LRRK1: variants seen among roughly 807,000 people sequenced by gnomAD.
LRRK1 encodes the protein leucine-rich repeat serine/threonine-protein kinase 1.
In LRRK1, 113 loss-of-function variants were observed where a neutral mutation model predicts 209.1. That is an observed-to-expected ratio of 0.54 (90% CI 0.46 to 0.63). The LOEUF is 0.63. Among genes scored for constraint, LRRK1 ranks in the 30% least tolerant of loss-of-function variants. The probability of loss-of-function intolerance (pLI) is 0.00; values close to 1 mark genes in which losing one functional copy is unlikely to be tolerated. For synonymous variants in LRRK1, 1,144 were observed against 1,099.7 expected, an observed-to-expected ratio of 1.04 and a Z score of -0.80; for missense variants, 2,284 against 2,632.2, an observed-to-expected ratio of 0.87 and a Z score of 2.89.
intron 2 of LRRK1, among the ~76,000 whole-genome samples, chr15:100,929,101 T>A (rs1187201012): frequency 6.6e-6 from 1 of 152,212 alleles, no homozygotes; most frequent in African/African-American, 2.4e-5. Context: ...CTTCTGAGTA[T>A]GTCTGACACC....
In LRRK1 at chr15:100,933,679, G is replaced by A. The variant is rs138354343; in HGVS notation, c.97+8950G>A. Among the ~76,000 whole-genome samples, 101 of 151,778 alleles carry A rather than the reference G, an allele frequency of 6.7e-4. 3 individuals are homozygous for A. The East Asian group carries it at 0.014, about 21-fold the overall frequency. On this transcript the variant is annotated intron_variant, in intron 2 of 33. Coordinates refer to ENST00000388948, the MANE Select transcript of LRRK1 (RefSeq NM_024652.6). ...TTTACTAAAAATACAAAAATTAGCC[G>A]GGTATGGTGGCACACACCTGTAGTC...
chr15:101,065,631 G>A lies in LRRK1; in HGVS notation c.5194G>A (p.Ala1732Thr). The A allele has an allele frequency of 6.2e-7, 1 of 1,614,142 alleles. No individual in the cohort carries two copies. Among genetic ancestry groups the A allele is most frequent in the Non-Finnish European group, 8.5e-7 (1 of 1,180,026 alleles). ...CTGCAGGCGGCTGGAGCCCTACATG[G>A]CCCCCTCCATGGTTACGTCAGTCGT... ...EICRRLEPYM[A>T]PSMVTSVVCS... Residue 1732 changes from alanine (A) to threonine (T), a missense_variant, in exon 32 of 34, where the codon GCC becomes ACC. Around this residue, in one of 6 missense-constraint regions of LRRK1, gnomAD observed 643 missense variants for 695.9 expected, o/e 0.92. Transcript: ENST00000388948.
At chr15:101,001,962 A>AT (rs1336877437) in intron 6 of LRRK1, among the ~76,000 whole-genome samples, 1 of 151,970 alleles carries the variant, frequency 6.6e-6, no homozygotes, top group African/African-American at 2.4e-5. Flanking sequence ...ACCCCACAGA[A>AT]TCGTACAGAG....
At chr15:101,050,082 G>A (rs1163601321) in intron 23 of LRRK1, among the ~76,000 whole-genome samples, 1 of 152,204 alleles carries the variant, frequency 6.6e-6, no homozygotes, top group Non-Finnish European at 1.5e-5. Flanking sequence ...GTGGTCCACG[G>A]AGATGCTCAG....
chr15:101,037,980 C>T (rs1387888125), intron 20 of LRRK1, among the ~76,000 whole-genome samples: 1 of 152,120 alleles, frequency 6.6e-6, no homozygotes, highest in Non-Finnish European at 1.5e-5. Context: ...AAATGTGCAT[C>T]AATCAATAAT....
At chr15:100,955,127 C>T (rs1178155480) in intron 2 of LRRK1, among the ~76,000 whole-genome samples, 4 of 152,132 alleles carry the variant, frequency 2.6e-5, no homozygotes, top group Non-Finnish European at 5.9e-5. Flanking sequence ...TTAATGCTTC[C>T]AATCCATGGA....
intron 6 of LRRK1, 162 bp downstream of exon 6, chr15:100,989,560 CATGCAGTG>C (rs1313148446): frequency 5.8e-6 from 4 of 692,000 alleles, no homozygotes; most frequent in Non-Finnish European, 9.6e-6. Flanking sequence ...TGAGGGCCTT[CATGCAGTG>C]ATATGAAGGT....
chr15:101,035,661 A>G (rs1000744481), intron 20 of LRRK1, among the ~76,000 whole-genome samples: 1 of 152,114 alleles, frequency 6.6e-6, no homozygotes, highest in Non-Finnish European at 1.5e-5. Context: ...GGCAATTATT[A>G]ATATGTGAGG....
chr15:100,939,021 A>G (rs528872308), intron 2 of LRRK1, among the ~76,000 whole-genome samples: 1 of 152,354 alleles, frequency 6.6e-6, no homozygotes, highest in East Asian at 1.9e-4. Context: ...TGAACCCAGG[A>G]GATGGACGTT....
At chr15:100,921,769 T>G (rs533816298) in intron 1 of LRRK1, among the ~76,000 whole-genome samples, 1 of 152,308 alleles carries the variant, frequency 6.6e-6, no homozygotes, top group East Asian at 1.9e-4. Flanking sequence ...CAGGTTGGAG[T>G]GCAGTGGTGC....
At chr15:101,014,505 G>A (rs2033435513) in intron 11 of LRRK1, 77 bp downstream of exon 11, 1 of 971,474 alleles carries the variant, frequency 1.0e-6, no homozygotes, top group African/African-American at 1.6e-5. Context: ...TCTGAATGGT[G>A]GCATGTGAGT....
chr15:101,011,712 A>G (rs1398402063), intron 9 of LRRK1, among the ~76,000 whole-genome samples: 1 of 151,794 alleles, frequency 6.6e-6, no homozygotes, highest in Non-Finnish European at 1.5e-5. Context: ...TTCTCTCTCC[A>G]GTGTGGTCCT....
chr15:101,012,648 G>A (rs954202937), intron 10 of LRRK1, among the ~76,000 whole-genome samples: 4 of 5,964 alleles, frequency 6.7e-4, no homozygotes, highest in African/African-American at 5.9e-4. Context: ...GAGTGCCCAG[G>A]CCACCCTGCA....
chr15:101,048,320 C>T (rs985541445), intron 21 of LRRK1, among the ~76,000 whole-genome samples, 174 bp from the exon 22 acceptor site: 6 of 152,118 alleles, frequency 3.9e-5, no homozygotes, highest in South Asian at 4.1e-4. Flanking sequence ...CTGGAGACCC[C>T]GTCAGCTAAT....
chr15:100,960,046 A>G (rs762857428), intron 2 of LRRK1, among the ~76,000 whole-genome samples: 2 of 152,174 alleles, frequency 1.3e-5, no homozygotes, highest in Admixed American at 6.5e-5. Context: ...TTTTAATATA[A>G]CAATGTTGTT....
intron 24 of LRRK1, among the ~76,000 whole-genome samples, chr15:101,052,458 C>T (rs1371025127): frequency 7.5e-6 from 1 of 132,508 alleles, no homozygotes; most frequent in Non-Finnish European, 1.6e-5. Context: ...CCTCGTTTAC[C>T]TTCTTTGTCA....
chr15:101,066,586 C>A, intron 32 of LRRK1, 54 bp from the exon 33 acceptor site: 1 of 1,545,694 alleles, frequency 6.5e-7, no homozygotes, highest in Non-Finnish European at 8.9e-7. Context: ...CTTCACTCCC[C>A]GGAGAGCACG....
In LRRK1 at chr15:101,065,754, G is replaced by A; in HGVS notation, c.5317G>A (p.Ala1773Thr). ...CCACTCCACCACCTACCAGCTGTGTGCCCGGTACTTCTGCGGGGTCCCCAG... is the reference window on the plus strand; with the variant it reads ...CCACTCCACCACCTACCAGCTGTGTACCCGGTACTTCTGCGGGGTCCCCAG... ...MYHSTTYQLC[A>T]RYFCGVPSPL... The change falls in exon 32 of 34, where the codon GCC becomes ACC. Residue 1773 changes from alanine (A) to threonine (T), a missense_variant. This residue lies in a region of LRRK1 where 643 missense variants were observed against 695.9 expected (regional missense o/e 0.92). Coordinates refer to ENST00000388948, the MANE Select transcript of LRRK1 (RefSeq NM_024652.6). 6.2e-7 allele frequency: 1 copy of A among 1,614,118 alleles called. No individual in the cohort carries two copies. Among genetic ancestry groups the A allele is most frequent in the Non-Finnish European group, 8.5e-7 (1 of 1,180,024 alleles).
rs2036764085 is a variant in LRRK1 at position 101,070,549 on chromosome 15, GC to G, written c.*1703del. The G allele has an allele frequency of 6.6e-6, 1 of 151,848 alleles. No homozygotes were observed. The highest frequency in any genetic ancestry group is 6.6e-5 in the Admixed American group (1 of 15,232). The allele number at this position is 151,848 out of a possible 1,614,324, so 9.4% of individuals were successfully genotyped here. A position where few individuals can be genotyped will look rare whatever the true frequency, so the allele number is the denominator to read the frequency against. ...AGCTTTTGCTTTGGCATCACGCGAG[GC>G]CAGGCTGCTTTGCAGGCACCAAAAT... On this transcript the variant is annotated 3_prime_UTR_variant, in exon 34 of 34. Transcript: ENST00000388948.
Sources: gnomAD v4.1 joint callset for allele counts (sites outside exome capture counted in the v4.1 genomes callset) on GRCh38, gnomAD v4.1.1 for gene constraint, gnomAD v4.1.1 regional missense constraint, MANE v1.5 for transcripts, NCBI Gene and HGNC (gene_info 2026-07-23, HGNC 2026-07-21) for gene names.